Variants in KDM4C observed in about 807,000 individuals in gnomAD.
KDM4C encodes lysine demethylase 4C.
A neutral mutation model predicts 129.3 loss-of-function variants in KDM4C; 81 were observed. The ratio of observed to expected loss-of-function variants is 0.63; its 90% CI spans 0.52 to 0.75. The LOEUF is 0.75. Among genes scored for constraint, KDM4C ranks in the 30% least tolerant of loss-of-function variants. The probability of loss-of-function intolerance (pLI) is 0.00; values close to 1 mark genes in which losing one functional copy is unlikely to be tolerated. For synonymous variants in KDM4C, 573 were observed against 456.1 expected, an observed-to-expected ratio of 1.26 and a Z score of -3.26; for missense variants, 1,457 against 1,304.0, an observed-to-expected ratio of 1.12 and a Z score of -1.81.
chr9:6,801,178 G>A (rs868002934), intron 2 of KDM4C, among the ~76,000 whole-genome samples: 23 of 147,038 alleles, frequency 1.6e-4, no homozygotes, highest in African/African-American at 5.7e-4. Flanking sequence ...AAATGTGAAA[G>A]ACAAGACTTT....
At chr9:7,063,959 T>G (rs913504412) in intron 17 of KDM4C, among the ~76,000 whole-genome samples, 1 of 152,184 alleles carries the variant, frequency 6.6e-6, no homozygotes, top group Non-Finnish European at 1.5e-5. Flanking sequence ...CTCCCGTCTT[T>G]TGGAGCTGTG....
intron 18 of KDM4C, among the ~76,000 whole-genome samples, chr9:7,111,811 T>C: frequency 6.6e-6 from 1 of 152,212 alleles, no homozygotes; most frequent in East Asian, 1.9e-4. Context: ...CCCGTTTTTA[T>C]ATATCCCTGA....
intron 15 of KDM4C, among the ~76,000 whole-genome samples, chr9:7,044,962 A>G (rs1470647068): frequency 1.3e-5 from 2 of 152,038 alleles, no homozygotes; most frequent in South Asian, 2.1e-4. Context: ...GGAAGGATCA[A>G]CAGTGTTGTA....
At chr9:6,787,268 T>G (rs1825681327) in intron 1 of KDM4C, among the ~76,000 whole-genome samples, 1 of 152,254 alleles carries the variant, frequency 6.6e-6, no homozygotes. Context: ...AGTCTTTATC[T>G]GTTGCCCAGG....
At chr9:6,891,976 A>G (rs1028239489) in intron 7 of KDM4C, among the ~76,000 whole-genome samples, 3 of 152,212 alleles carry the variant, frequency 2.0e-5, no homozygotes, top group Non-Finnish European at 4.4e-5. Flanking sequence ...CAAAGAAAAT[A>G]TAAGTTGTAT....
chr9:6,876,739 T>C (rs1003640954), intron 5 of KDM4C, among the ~76,000 whole-genome samples: 1 of 152,138 alleles, frequency 6.6e-6, no homozygotes, highest in Non-Finnish European at 1.5e-5. Context: ...TGAGTGCCCC[T>C]GAAGCCAGGT....
rs143699178 is a variant in KDM4C at position 7,126,870 on chromosome 9, AAAAG to A, written c.2611-1182_2611-1179del. Among the ~76,000 whole-genome samples, 1,342 of 152,250 alleles carry A rather than the reference AAAAG, an allele frequency of 8.8e-3. 17 individuals are homozygous for A. Among genetic ancestry groups the A allele is most frequent in the African/African-American group, 0.031 (1,281 of 41,534 alleles). On this transcript the variant is annotated intron_variant, in intron 18 of 21. Transcript: ENST00000381309. ...CTGCTGTTAAAAAAAAAAGAAAAGAAAAAGAAAGAAAGAAAGATCACAAGAACCA... is the reference window on the plus strand; with the variant it reads ...CTGCTGTTAAAAAAAAAAGAAAAGAAAAAGAAAGAAAGATCACAAGAACCA...
At chr9:6,847,899 A>G (rs1838145472) in intron 4 of KDM4C, among the ~76,000 whole-genome samples, 1 of 152,224 alleles carries the variant, frequency 6.6e-6, no homozygotes, top group South Asian at 2.1e-4. Context: ...TAAGATTAAC[A>G]CACTGATTAG....
At chr9:6,741,385 A>G (rs1817687466) in intron 1 of KDM4C, among the ~76,000 whole-genome samples, 1 of 152,034 alleles carries the variant, frequency 6.6e-6, no homozygotes, top group South Asian at 2.1e-4. Flanking sequence ...ACAGAGCGAG[A>G]CTCTATCTCA....
chr9:6,948,918 A>G (rs977753315), intron 8 of KDM4C, among the ~76,000 whole-genome samples: 4 of 152,258 alleles, frequency 2.6e-5, no homozygotes, highest in South Asian at 2.1e-4. Flanking sequence ...TGATTTCTCT[A>G]TCTTTTCCCC....
intron 1 of KDM4C, among the ~76,000 whole-genome samples, chr9:6,732,706 C>A (rs1466558387): frequency 6.6e-6 from 1 of 151,992 alleles, no homozygotes; most frequent in East Asian, 1.9e-4. Flanking sequence ...ATGGCAGAGA[C>A]CAAAAGAAAG....
At chr9:6,830,030 T>G (rs1834555699) in intron 4 of KDM4C, among the ~76,000 whole-genome samples, 2 of 152,230 alleles carry the variant, frequency 1.3e-5, no homozygotes, top group African/African-American at 4.8e-5. Flanking sequence ...GAATCTGTTT[T>G]ACAGATGATC....
At chr9:6,862,075 A>C (rs1331156829) in intron 5 of KDM4C, among the ~76,000 whole-genome samples, 3 of 152,140 alleles carry the variant, frequency 2.0e-5, no homozygotes, top group Non-Finnish European at 4.4e-5. Flanking sequence ...CCTGACCTAC[A>C]ATATGTATTT....
Position 6,758,288 on chromosome 9 carries a change from C to T in KDM4C, c.-18+85C>T, listed in dbSNP as rs1818666181. The T allele has an allele frequency of 8.4e-6, 7 of 836,656 alleles. No homozygotes were observed. The highest frequency in any genetic ancestry group is 1.0e-5 in the Non-Finnish European group (7 of 694,318). 51.8% of individuals were successfully genotyped at this position (836,656 alleles called of 1,614,324 possible). ...CGGCACTGCCCCCCTCCGCGTGGGGCACGGGGGTGCGGGCGTCCGGGCGAG... is the reference window on the plus strand; with the variant it reads ...CGGCACTGCCCCCCTCCGCGTGGGGTACGGGGGTGCGGGCGTCCGGGCGAG... On this transcript the variant is annotated intron_variant, in intron 1 of 21. Transcript: ENST00000381309. The surrounding 1 kb of genome is among the most constrained non-coding windows in gnomAD (Gnocchi z 4.6).
chr9:7,035,033 A>G (rs185791351), intron 15 of KDM4C, among the ~76,000 whole-genome samples: 1 of 151,922 alleles, frequency 6.6e-6, no homozygotes, highest in Non-Finnish European at 1.5e-5. Context: ...TGTTTTTGAG[A>G]CAGGGTCTCA....
At chr9:6,950,887 C>G (rs1036095338) in intron 8 of KDM4C, among the ~76,000 whole-genome samples, 7 of 152,126 alleles carry the variant, frequency 4.6e-5, no homozygotes, top group African/African-American at 1.2e-4. Context: ...CCTTAGTAGT[C>G]ATGCCATGAA....
At chr9:6,757,509 G>A, upstream of KDM4C, 2 of 517,000 alleles carry the variant, frequency 3.9e-6, no homozygotes, top group Non-Finnish European at 5.0e-6. Context: ...CGGCCACCGG[G>A]TGAAGGGAGA....
chr9:6,772,177 TCTCA>T (rs1171786682), intron 1 of KDM4C, among the ~76,000 whole-genome samples: 4 of 151,866 alleles, frequency 2.6e-5, no homozygotes, highest in African/African-American at 7.3e-5. Context: ...TGAGACAGAG[TCTCA>T]CTCTGTTGCC....
chr9:7,003,256 G>C (rs1483463325), intron 12 of KDM4C, among the ~76,000 whole-genome samples: 1 of 152,174 alleles, frequency 6.6e-6, no homozygotes, highest in Non-Finnish European at 1.5e-5. Flanking sequence ...ATTATAGCCA[G>C]ATACCTTTGT....
Sources: gnomAD v4.1 joint callset for allele counts (sites outside exome capture counted in the v4.1 genomes callset) on GRCh38, gnomAD v4.1.1 for gene constraint, Gnocchi (gnomAD v3.1) non-coding constraint, MANE v1.5 for transcripts, NCBI Gene and HGNC (gene_info 2026-07-23, HGNC 2026-07-21) for gene names.